Variants in BNC2 observed in about 807,000 individuals in gnomAD.
The protein encoded by BNC2 is zinc finger protein basonuclin-2.
A neutral mutation model predicts 76.3 loss-of-function variants in BNC2; 20 were observed. The ratio of observed to expected loss-of-function variants is 0.26; its 90% CI spans 0.18 to 0.38. The LOEUF (loss-of-function observed/expected upper bound fraction) is 0.38. BNC2 is among the 10% of genes least tolerant of loss of function. BNC2 has a pLI of 1.00. For missense variants in BNC2, 1,382 were observed against 1,399.8 expected (o/e 0.99, Z 0.20); for synonymous variants, 582 against 514.8 (o/e 1.13, Z -1.77).
intron 1 of BNC2, among the ~76,000 whole-genome samples, chr9:16,766,009 G>T (rs1049472787): frequency 6.6e-6 from 1 of 152,082 alleles, no homozygotes. Context: ...GGATGTTCTC[G>T]ATCTCCTGAC....
chr9:16,414,105 G>C lies in BNC2; in HGVS notation c.*4884C>G, dbSNP rs1487434421. 1 of 152,102 alleles carries C rather than the reference G, an allele frequency of 6.6e-6. No homozygotes were observed. The allele number at this position is 152,102 out of a possible 1,614,324, so 9.4% of individuals were successfully genotyped here. A position where few individuals can be genotyped will look rare whatever the true frequency, so the allele number is the denominator to read the frequency against. On this transcript the variant is annotated 3_prime_UTR_variant, in exon 7 of 7. Transcript: ENST00000380672. The stretch of plus-strand genomic sequence containing the variant: ...AACCCCACAATTGTCGGCTCTTCCT[G>C]ACCCCAAAGGAACTTCAGCTATTTC...
At chr9:16,465,879 G>T (rs923343723) in intron 5 of BNC2, among the ~76,000 whole-genome samples, 2 of 151,332 alleles carry the variant, frequency 1.3e-5, no homozygotes, top group Non-Finnish European at 2.9e-5. Context: ...AGGAAAAGAG[G>T]AAGTCAAATT....
intron 3 of BNC2, among the ~76,000 whole-genome samples, chr9:16,667,117 G>A (rs11790331): frequency 0.012 from 1,720 of 148,626 alleles, 24 homozygotes; most frequent in Non-Finnish European, 0.015. Context: ...ACGCACACAC[G>A]CACACACGCC....
intron 5 of BNC2, among the ~76,000 whole-genome samples, chr9:16,522,003 G>A (rs1204571113): frequency 6.6e-6 from 1 of 152,156 alleles, no homozygotes; most frequent in Non-Finnish European, 1.5e-5. Context: ...CAAGCACACA[G>A]CACTAGACAA....
intron 3 of BNC2, among the ~76,000 whole-genome samples, chr9:16,710,559 T>A (rs993385036): frequency 1.3e-5 from 2 of 152,208 alleles, no homozygotes; most frequent in Admixed American, 6.5e-5. Context: ...CTGGGCAGTG[T>A]GTTTGCAGTG....
At chr9:16,556,795 C>T (rs974489603) in intron 4 of BNC2, among the ~76,000 whole-genome samples, 3 of 151,592 alleles carry the variant, frequency 2.0e-5, no homozygotes, top group Admixed American at 6.6e-5. Context: ...AACTGCCTAA[C>T]TTGCAAATTT....
chr9:16,448,990 A>G (rs1333695543), intron 5 of BNC2, among the ~76,000 whole-genome samples: 1 of 152,322 alleles, frequency 6.6e-6, no homozygotes, highest in African/African-American at 2.4e-5. Context: ...TATATATTTT[A>G]TTGGGCCACA....
chr9:16,579,157 C>T (rs1819562279), intron 4 of BNC2, among the ~76,000 whole-genome samples: 1 of 152,152 alleles, frequency 6.6e-6, no homozygotes, highest in Non-Finnish European at 1.5e-5. Flanking sequence ...ATTCCTTCCT[C>T]CCTTAACTCA....
chr9:16,437,579 G>A lies in BNC2; in HGVS notation c.670-55C>T, dbSNP rs532238855. The A allele has an allele frequency of 9.7e-5, 153 of 1,580,690 alleles. No individual in the cohort carries two copies. The African/African-American group carries it at 1.9e-3, about 20-fold the overall frequency. ...ACAAACACAAAAACTTATTGATTGT[G>A]CATAATTATTCAATGCAACTGAAGG... On this transcript the variant is annotated intron_variant, in intron 5 of 6. Transcript: ENST00000380672.
At chr9:16,500,480 T>TA (rs1822495269) in intron 5 of BNC2, among the ~76,000 whole-genome samples, 1 of 152,030 alleles carries the variant, frequency 6.6e-6, no homozygotes, top group Non-Finnish European at 1.5e-5. Flanking sequence ...AACACATAAA[T>TA]AAAAAAAATC....
intron 3 of BNC2, among the ~76,000 whole-genome samples, chr9:16,667,859 G>A (rs1042267848): frequency 2.0e-5 from 3 of 152,052 alleles, no homozygotes; most frequent in African/African-American, 7.2e-5. Context: ...TTTTAGGTGG[G>A]CTTACCTATT....
chr9:16,498,275 T>C (rs965232487), intron 5 of BNC2, among the ~76,000 whole-genome samples: 1 of 100,962 alleles, frequency 9.9e-6, no homozygotes, highest in African/African-American at 4.3e-5. Context: ...ATATATTCCA[T>C]CATATATATA....
chr9:16,503,945 G>C (rs891026356), intron 5 of BNC2, among the ~76,000 whole-genome samples: 2 of 152,120 alleles, frequency 1.3e-5, no homozygotes, highest in Non-Finnish European at 2.9e-5. Flanking sequence ...TTATAGTTCA[G>C]TAAGAAAAAT....
intron 2 of BNC2, among the ~76,000 whole-genome samples, chr9:16,735,558 G>A (rs368924590): frequency 4.6e-5 from 7 of 152,070 alleles, no homozygotes; most frequent in East Asian, 1.9e-4. Context: ...GTGCAGTGCC[G>A]TGATCTCGGG....
At position 16,727,909 on chromosome 9, in the gene BNC2, G is replaced by A; in HGVS notation, c.218C>T (p.Ser73Phe). 6.2e-7 allele frequency: 1 copy of A among 1,614,128 alleles called. No individual in the cohort carries two copies. Among genetic ancestry groups the A allele is most frequent in the African/African-American group, 1.3e-5 (1 of 75,020 alleles). The part of the protein sequence containing the change: ...KRARDLTLRD[S>F]CTDNSMQFGT... ...GAACTGCATGGAGTTGTCAGTACAG[G>A]AGTCTCTTAAAGTCAAGTCTCTTGC... is the stretch of plus-strand genomic sequence containing the variant. Residue 73 changes from serine to phenylalanine, a missense_variant, in exon 3 of 7, where the codon TCC becomes TTC. Coordinates refer to ENST00000380672, the MANE Select transcript of BNC2 (RefSeq NM_017637.6).
chr9:16,531,204 A>C (rs1177710837), intron 5 of BNC2, among the ~76,000 whole-genome samples: 2 of 152,170 alleles, frequency 1.3e-5, no homozygotes, highest in Non-Finnish European at 2.9e-5. Context: ...AAACTAGAAG[A>C]CCACAGTAGC....
chr9:16,495,881 T>C (rs1028471194), intron 5 of BNC2, among the ~76,000 whole-genome samples: 7 of 151,724 alleles, frequency 4.6e-5, no homozygotes, highest in Admixed American at 3.3e-4. Flanking sequence ...TACTACAAAA[T>C]GTTTTGTTTT....
chr9:16,737,032 C>A (rs910740637), intron 2 of BNC2, among the ~76,000 whole-genome samples: 1 of 151,098 alleles, frequency 6.6e-6, no homozygotes, highest in African/African-American at 2.4e-5. Context: ...TCTCGAACTC[C>A]CAACCTCAGG....
At chr9:16,421,864 C>CCT (rs5896690) in intron 6 of BNC2, among the ~76,000 whole-genome samples, 90,119 of 151,906 alleles carry the variant, frequency 0.59, 29,066 homozygotes, top group African/African-American at 0.85. Context: ...AAATCCTACC[C>CCT]GTTTATTATT....
Sources: gnomAD v4.1 joint callset for allele counts (sites outside exome capture counted in the v4.1 genomes callset) on GRCh38, gnomAD v4.1.1 for gene constraint, MANE v1.5 for transcripts, NCBI Gene and HGNC (gene_info 2026-07-23, HGNC 2026-07-21) for gene names.